The following COPS4 variants were observed in gnomAD, a reference collection of about 807,000 sequenced individuals.
COPS4 encodes the protein COP9 signalosome complex subunit 4.
COPS4 carries 8 observed loss-of-function variants against 55.1 expected under a neutral mutation model. That is an observed-to-expected ratio of 0.15 (90% CI 0.09 to 0.26). The LOEUF is 0.26. COPS4 is among the 10% of genes least tolerant of loss of function. COPS4 has a pLI of 1.00. For missense variants in COPS4, 248 were observed against 484.0 expected, an observed-to-expected ratio of 0.51 and a Z score of 4.58; for synonymous variants, 185 against 165.7, an observed-to-expected ratio of 1.12 and a Z score of -0.90.
chr4:83,049,899 C>T lies in COPS4; in HGVS notation c.325C>T (p.His109Tyr). The change falls in exon 4 of 10, where the codon CAT (histidine) becomes TAT (tyrosine). Residue 109 changes from histidine (H) to tyrosine (Y), a missense_variant. Physicochemically the swap from His to Tyr is moderately conservative, Grantham distance 83 (BLOSUM62 2). This residue lies in a region of COPS4 where 155 missense variants were observed against 326.6 expected (regional missense o/e 0.47). Coordinates refer to ENST00000264389, the MANE Select transcript of COPS4 (RefSeq NM_016129.3). ...ATTCCAGGTTGCTTCCATAAGACAG[C>T]ATCTTGCATCTATATATGAGAAAGA... ...FEEQVASIRQ[H>Y]LASIYEKEED... 1 of 1,605,510 alleles carries T rather than the reference C, an allele frequency of 6.2e-7. No individual in the cohort carries two copies. Among genetic ancestry groups the T allele is most frequent in the South Asian group, 1.1e-5 (1 of 89,110 alleles).
chr4:83,071,718 T>C (rs909291878), intron 9 of COPS4, among the ~76,000 whole-genome samples: 1 of 140,440 alleles, frequency 7.1e-6, no homozygotes, highest in Admixed American at 7.0e-5. Flanking sequence ...TGTGCCTGGC[T>C]TTTTTTTTTT....
At chr4:83,063,019 T>C in intron 6 of COPS4, 57 bp from the exon 7 acceptor site, 1 of 1,434,316 alleles carries the variant, frequency 7.0e-7, no homozygotes. Flanking sequence ...TTTTTTTTCC[T>C]GAAGAAACAT....
At position 83,060,387 on chromosome 4, in the gene COPS4, C is replaced by T. The variant is rs192253370; in HGVS notation, c.716-2689C>T. Among the ~76,000 whole-genome samples, 288 of 149,356 alleles carry T rather than the reference C, an allele frequency of 1.9e-3. 1 individual carries two copies. The highest frequency in any genetic ancestry group is 6.8e-3 in the African/African-American group (276 of 40,566). On this transcript the variant is annotated intron_variant, in intron 6 of 9. Coordinates refer to ENST00000264389, the MANE Select transcript of COPS4 (RefSeq NM_016129.3). ...TTTTTGAGACGGAATCTTCCTCTGTCGCCCAGGCTGGAGTGCAGTGGCACG... is the reference window on the plus strand; with the variant it reads ...TTTTTGAGACGGAATCTTCCTCTGTTGCCCAGGCTGGAGTGCAGTGGCACG...
chr4:83,040,328 T>G (rs886872634), intron 1 of COPS4, among the ~76,000 whole-genome samples: 3 of 152,216 alleles, frequency 2.0e-5, no homozygotes, highest in Admixed American at 6.5e-5. Flanking sequence ...ACGTTTTGGT[T>G]GTTGCGATTG....
At chr4:83,069,582 G>T (rs115975800) in intron 9 of COPS4, among the ~76,000 whole-genome samples, 1 of 151,996 alleles carries the variant, frequency 6.6e-6, no homozygotes, top group Non-Finnish European at 1.5e-5. Flanking sequence ...TTCAGGTTTG[G>T]TTTTTCTTAA....
chr4:83,066,541 C>T lies in COPS4; in HGVS notation c.990C>T (p.Ile330=). The change falls in exon 8 of 10, where the codon ATC becomes ATT. Residue 330 remains isoleucine (I), a synonymous_variant. Coordinates refer to ENST00000264389, the MANE Select transcript of COPS4 (RefSeq NM_016129.3). The part of the protein sequence containing the change: ...TFEELGALLE[I]PAAKAEKIAS... Reference sequence around the variant, plus strand: ...AAGAACTTGGAGCTCTTTTAGAGATCCCTGCAGCTAAGGTATCTTCTTGAT... The same window carrying T: ...AAGAACTTGGAGCTCTTTTAGAGATTCCTGCAGCTAAGGTATCTTCTTGAT... 1 of 1,546,730 alleles carries T rather than the reference C, an allele frequency of 6.5e-7. No individual in the cohort carries two copies. The highest frequency in any genetic ancestry group is 2.3e-5 in the East Asian group (1 of 43,756).
chr4:83,045,038 A>G (rs918554439), intron 1 of COPS4, among the ~76,000 whole-genome samples: 4 of 152,208 alleles, frequency 2.6e-5, no homozygotes, highest in African/African-American at 7.2e-5. Flanking sequence ...GACAGCATAA[A>G]TGGTATTCTA....
chr4:83,062,440 A>G (rs1162358393), intron 6 of COPS4, among the ~76,000 whole-genome samples: 1 of 152,210 alleles, frequency 6.6e-6, no homozygotes, highest in Non-Finnish European at 1.5e-5. Context: ...CAGCACTTCC[A>G]CTGTCATTTG....
In COPS4 at chr4:83,068,440, G is replaced by A. The variant is rs189326692; in HGVS notation, c.1005G>A (p.Ala335=). 1.4e-5 allele frequency: 22 copies of A among 1,603,624 alleles called. No individual in the cohort carries two copies. In the East Asian group the frequency reaches 2.9e-4, roughly 21 times the overall value. ...AGAGTTTTTTTTTCCCCCAATAGGC[G>A]GAAAAGATAGCATCTCAAATGATAA... is the stretch of plus-strand genomic sequence containing the variant. ...GALLEIPAAK[A]EKIASQMITE... Residue 335 remains alanine (A), a splice_region_variant and synonymous_variant, in exon 9 of 10, where the codon GCG becomes GCA. Coordinates refer to ENST00000264389, the MANE Select transcript of COPS4 (RefSeq NM_016129.3).
chr4:83,060,779 A>G (rs1418278318), intron 6 of COPS4, among the ~76,000 whole-genome samples: 1 of 151,586 alleles, frequency 6.6e-6, no homozygotes, highest in East Asian at 2.0e-4. Flanking sequence ...TCACGCCTGT[A>G]ATCCCAGCAC....
chr4:83,040,062 A>C (rs1046853656), intron 1 of COPS4, among the ~76,000 whole-genome samples: 2 of 152,098 alleles, frequency 1.3e-5, no homozygotes, highest in African/African-American at 4.8e-5. Flanking sequence ...TCAATGCTTT[A>C]TTCTGGATTA....
intron 8 of COPS4, among the ~76,000 whole-genome samples, chr4:83,067,943 C>T (rs1188588977): frequency 6.6e-6 from 1 of 152,174 alleles, no homozygotes; most frequent in Non-Finnish European, 1.5e-5. Context: ...TGCTTATGCA[C>T]AGTAAACATT....
chr4:83,049,853 A>C, intron 3 of COPS4, 28 bp from the exon 4 acceptor site: 1 of 1,305,234 alleles, frequency 7.7e-7, no homozygotes, highest in Non-Finnish European at 1.1e-6. Flanking sequence ...CAGTTGAAAT[A>C]ATTTGACATG....
In COPS4 at chr4:83,075,364, G is replaced by T; in HGVS notation, c.1155G>T (p.Leu385Phe). 6.2e-7 allele frequency: 1 copy of T among 1,614,058 alleles called. No individual in the cohort carries two copies. The highest frequency in any genetic ancestry group is 8.5e-7 in the Non-Finnish European group (1 of 1,179,990). Residue 385 changes from leucine to phenylalanine, a missense_variant, in exon 10 of 10, where the codon TTG (leucine) becomes TTT (phenylalanine). Around this residue, in one of 4 missense-constraint regions of COPS4, gnomAD observed 38 missense variants for 77.9 expected, o/e 0.49. Transcript: ENST00000264389. ...TTTGTTTCCAAGTGAATAACCTTTTGGAGAAAATTAGTCAAACAGCACCAG... is the reference window on the plus strand; with the variant it reads ...TTTGTTTCCAAGTGAATAACCTTTTTGAGAAAATTAGTCAAACAGCACCAG... ...QSLCFQVNNL[L>F]EKISQTAPEW... is the part of the protein sequence containing the mutation.
intron 1 of COPS4, among the ~76,000 whole-genome samples, chr4:83,039,744 G>T (rs747196428): frequency 6.6e-6 from 1 of 152,080 alleles, no homozygotes; most frequent in East Asian, 1.9e-4. Context: ...CAATCTTCTC[G>T]CCTTAGCCTC....
chr4:83,054,478 T>A (rs572332356), intron 4 of COPS4, among the ~76,000 whole-genome samples: 3 of 152,376 alleles, frequency 2.0e-5, no homozygotes, highest in Non-Finnish European at 4.4e-5. Flanking sequence ...TCAGACATCT[T>A]GCCTTTTTTG....
At chr4:83,057,622 G>T (rs574365038) in intron 6 of COPS4, among the ~76,000 whole-genome samples, 32 of 152,146 alleles carry the variant, frequency 2.1e-4, no homozygotes, top group African/African-American at 7.7e-4. Flanking sequence ...TGCATATGTG[G>T]TAAGAATAGT....
At chr4:83,045,337 A>G (rs1369131935) in intron 1 of COPS4, among the ~76,000 whole-genome samples, 1 of 152,228 alleles carries the variant, frequency 6.6e-6, no homozygotes, top group Non-Finnish European at 1.5e-5. Flanking sequence ...TAGATTCAGT[A>G]ACAGAATTAT....
At chr4:83,035,325 T>A in intron 1 of COPS4, 27 bp downstream of exon 1, 1 of 1,508,580 alleles carries the variant, frequency 6.6e-7, no homozygotes, top group Non-Finnish European at 9.0e-7. Flanking sequence ...AACGCGGGAG[T>A]ACAGAGGTGG....
Sources: gnomAD v4.1 joint callset for allele counts (sites outside exome capture counted in the v4.1 genomes callset) on GRCh38, gnomAD v4.1.1 for gene constraint, gnomAD v4.1.1 regional missense constraint, MANE v1.5 for transcripts, NCBI Gene and HGNC (gene_info 2026-07-23, HGNC 2026-07-21) for gene names.